SLC25A26: variants seen among roughly 807,000 people sequenced by gnomAD.
The protein encoded by SLC25A26 is mitochondrial S-adenosylmethionine carrier protein.
A neutral mutation model predicts 37.8 loss-of-function variants in SLC25A26; 36 were observed. The ratio of observed to expected loss-of-function variants is 0.95; its 90% confidence interval spans 0.73 to 1.26. SLC25A26 has a LOEUF of 1.26. Ranked by LOEUF, SLC25A26 falls within the 50% of genes most tolerant of loss-of-function variation. The probability of loss-of-function intolerance (pLI) is 0.00; values close to 1 mark genes in which losing one functional copy is unlikely to be tolerated. For missense variants in SLC25A26, 390 were observed against 331.1 expected (o/e 1.18, Z -1.38); for synonymous variants, 129 against 122.5 (o/e 1.05, Z -0.35).
At chr3:66,316,124 C>T (rs2075532530) in intron 5 of SLC25A26, among the ~76,000 whole-genome samples, 1 of 152,102 alleles carries the variant, frequency 6.6e-6, no homozygotes, top group African/African-American at 2.4e-5. Flanking sequence ...TTTAAGGTTA[C>T]TATTGTTATT....
chr3:66,260,972 A>G (rs2073506278), intron 3 of SLC25A26, among the ~76,000 whole-genome samples: 1 of 152,210 alleles, frequency 6.6e-6, no homozygotes, highest in South Asian at 2.1e-4. Context: ...ATCCAAATTG[A>G]GTACTGATCT....
At chr3:66,350,101 G>A (rs1008790082) in intron 6 of SLC25A26, among the ~76,000 whole-genome samples, 3 of 152,108 alleles carry the variant, frequency 2.0e-5, no homozygotes, top group Admixed American at 2.0e-4. Context: ...TGAGTTTGCA[G>A]CTATAGAAGG....
chr3:66,237,164 T>G (rs569260091), intron 2 of SLC25A26, among the ~76,000 whole-genome samples: 1 of 152,244 alleles, frequency 6.6e-6, no homozygotes, highest in Non-Finnish European at 1.5e-5. Flanking sequence ...TTGAATCAGA[T>G]AGTGTTATAG....
chr3:66,185,560 C>T (rs2106774145), intron 1 of SLC25A26, among the ~76,000 whole-genome samples: 1 of 152,222 alleles, frequency 6.6e-6, no homozygotes, highest in South Asian at 2.1e-4. Context: ...ATCTTTTATG[C>T]TGAACTTTAC....
At chr3:66,249,719 C>T (rs2073004922) in intron 3 of SLC25A26, among the ~76,000 whole-genome samples, 1 of 152,194 alleles carries the variant, frequency 6.6e-6, no homozygotes, top group South Asian at 2.1e-4. Context: ...CATCTCTGCA[C>T]AGTTGTATAA....
intron 5 of SLC25A26, among the ~76,000 whole-genome samples, chr3:66,320,649 G>A (rs2075669525): frequency 6.6e-6 from 1 of 152,130 alleles, no homozygotes; most frequent in Non-Finnish European, 1.5e-5. Context: ...TTAGCTGTTT[G>A]AGGAAGCCTC....
intron 4 of SLC25A26, among the ~76,000 whole-genome samples, chr3:66,262,460 A>G (rs1247784916): frequency 6.6e-6 from 1 of 152,220 alleles, no homozygotes; most frequent in Non-Finnish European, 1.5e-5. Context: ...ATATTATATT[A>G]AAACATCAGT....
chr3:66,274,836 A>G (rs576088698), intron 5 of SLC25A26, among the ~76,000 whole-genome samples: 1 of 152,250 alleles, frequency 6.6e-6, no homozygotes, highest in South Asian at 2.1e-4. Context: ...TGTGGAAGTC[A>G]GTGTGGCGAT....
intron 1 of SLC25A26, among the ~76,000 whole-genome samples, chr3:66,173,848 C>T (rs554897820): frequency 3.9e-4 from 59 of 151,980 alleles, no homozygotes; most frequent in Non-Finnish European, 7.8e-4. Flanking sequence ...GTCAGGAATT[C>T]GAGACCAGCC....
intron 1 of SLC25A26, among the ~76,000 whole-genome samples, chr3:66,227,238 A>T (rs2071799980): frequency 6.6e-6 from 1 of 152,158 alleles, no homozygotes; most frequent in Non-Finnish European, 1.5e-5. Context: ...TTTTCTAGTT[A>T]CTTATCTAGA....
At chr3:66,331,251 T>C (rs958648477) in intron 5 of SLC25A26, among the ~76,000 whole-genome samples, 1 of 152,150 alleles carries the variant, frequency 6.6e-6, no homozygotes, top group African/African-American at 2.4e-5. Context: ...TTTACTGTAT[T>C]CACCAGTACT....
chr3:66,177,238 C>A (rs1439652652), intron 1 of SLC25A26, among the ~76,000 whole-genome samples: 1 of 152,184 alleles, frequency 6.6e-6, no homozygotes, highest in African/African-American at 2.4e-5. Flanking sequence ...ATGTTCTCTG[C>A]CCTGCAGAAT....
At chr3:66,247,776 C>T (rs2072916127) in intron 3 of SLC25A26, among the ~76,000 whole-genome samples, 3 of 152,156 alleles carry the variant, frequency 2.0e-5, no homozygotes, top group African/African-American at 7.2e-5. Context: ...TGCTTATATA[C>T]ATATTACGCC....
Position 66,366,040 on chromosome 3 carries a change from C to T in SLC25A26, c.568+3111C>T, listed in dbSNP as rs551651723. The stretch of plus-strand genomic sequence containing the variant: ...GTTGGGGCAGGGGCAGTTAGGGAAT[C>T]TGCATTTGTTCCCCAAGGAAATAGG... On this transcript the variant is annotated intron_variant, in intron 7 of 9. Transcript: ENST00000354883. 1.2e-4 allele frequency among the ~76,000 whole-genome samples: 18 copies of T among 152,306 alleles called. No individual in the cohort carries two copies. In the East Asian group the frequency reaches 2.9e-3, roughly 25 times the overall value.
chr3:66,339,541 T>G (rs1680367), intron 5 of SLC25A26, among the ~76,000 whole-genome samples: 1 of 151,920 alleles, frequency 6.6e-6, no homozygotes, highest in Admixed American at 6.6e-5. Flanking sequence ...CCAGCACTTG[T>G]TATTTTCTGT....
At chr3:66,170,042 T>C (rs529206498) in intron 1 of SLC25A26, among the ~76,000 whole-genome samples, 24 of 152,306 alleles carry the variant, frequency 1.6e-4, no homozygotes, top group Admixed American at 1.6e-3. Context: ...ATCACACACT[T>C]GGGCAACCAG....
chr3:66,159,378 G>A (rs2070326082), intron 1 of SLC25A26, among the ~76,000 whole-genome samples: 2 of 152,280 alleles, frequency 1.3e-5, no homozygotes, highest in African/African-American at 2.4e-5. Context: ...CAAGCCTGGT[G>A]TTTTTCATTA....
At chr3:66,171,591 G>C (rs2070500666) in intron 1 of SLC25A26, among the ~76,000 whole-genome samples, 1 of 152,076 alleles carries the variant, frequency 6.6e-6, no homozygotes, top group African/African-American at 2.4e-5. Context: ...TCAGGCTTAA[G>C]TATTTCTCAT....
intron 5 of SLC25A26, among the ~76,000 whole-genome samples, chr3:66,334,354 G>A (rs1372490117): frequency 3.9e-5 from 6 of 152,020 alleles, no homozygotes; most frequent in African/African-American, 1.2e-4. Context: ...TTGCTCTGTC[G>A]CCCAGGCTGG....
Sources: gnomAD v4.1 joint callset for allele counts (sites outside exome capture counted in the v4.1 genomes callset) on GRCh38, gnomAD v4.1.1 for gene constraint, MANE v1.5 for transcripts, NCBI Gene and HGNC (gene_info 2026-07-23, HGNC 2026-07-21) for gene names.